SDCCAG8: variants seen among roughly 807,000 people sequenced by gnomAD.
SDCCAG8 encodes SHH signaling and ciliogenesis regulator SDCCAG8, also known as serologically defined colon cancer antigen 8.
Under a neutral mutation model 101.8 loss-of-function variants are expected in SDCCAG8, and 74 were observed. The observed-to-expected ratio is 0.73, with a 90% CI of 0.60 to 0.88. SDCCAG8 has a LOEUF of 0.88. Among genes scored for constraint, SDCCAG8 ranks in the 40% least tolerant of loss-of-function variants. The pLI is 0.00. For missense variants in SDCCAG8, 787 were observed against 822.6 expected, an observed-to-expected ratio of 0.96 and a Z score of 0.53; for synonymous variants, 281 against 292.9, an observed-to-expected ratio of 0.96 and a Z score of 0.41.
intron 16 of SDCCAG8, among the ~76,000 whole-genome samples, chr1:243,475,276 T>C (rs1168447758): frequency 1.3e-5 from 2 of 152,210 alleles, no homozygotes; most frequent in Non-Finnish European, 2.9e-5. Flanking sequence ...CTGGATGGTT[T>C]AGCATGTCTG....
chr1:243,321,521 G>A (rs1209433718), intron 9 of SDCCAG8, among the ~76,000 whole-genome samples: 1 of 152,158 alleles, frequency 6.6e-6, no homozygotes, highest in Non-Finnish European at 1.5e-5. Context: ...TTAGGATTAT[G>A]TCTTCCAGCT....
At chr1:243,300,225 G>T (rs1035920342) in intron 6 of SDCCAG8, among the ~76,000 whole-genome samples, 1 of 151,980 alleles carries the variant, frequency 6.6e-6, no homozygotes, top group Admixed American at 6.6e-5. Flanking sequence ...AAAATCTTTA[G>T]TACCAGTATT....
chr1:243,339,579 G>A (rs1558319037), intron 10 of SDCCAG8, among the ~76,000 whole-genome samples: 1 of 152,104 alleles, frequency 6.6e-6, no homozygotes. Flanking sequence ...TTTGATGATA[G>A]GGATGTGTAA....
chr1:243,488,983 C>G, intron 16 of SDCCAG8, 31 bp from the exon 17 acceptor site: 1 of 1,613,148 alleles, frequency 6.2e-7, no homozygotes, highest in African/African-American at 1.3e-5. Context: ...GACGTTATCC[C>G]TCTTTAATTC....
intron 16 of SDCCAG8, among the ~76,000 whole-genome samples, chr1:243,477,158 A>G (rs539125042): frequency 1.2e-4 from 18 of 152,300 alleles, no homozygotes; most frequent in Admixed American, 5.9e-4. Context: ...GTTTGACATT[A>G]TTTCCAAATA....
At position 243,336,369 on chromosome 1, in the gene SDCCAG8, G is replaced by A. The variant is rs558336750; in HGVS notation, c.1222-4670G>A. Among the ~76,000 whole-genome samples, 8 of 152,298 alleles carry A rather than the reference G, an allele frequency of 5.3e-5. No individual in the cohort carries two copies. In the East Asian group the frequency reaches 1.5e-3, roughly 29 times the overall value. On this transcript the variant is annotated intron_variant, in intron 10 of 17. Transcript: ENST00000366541. The stretch of plus-strand genomic sequence containing the variant: ...TGGTTTTGATTTGCATTTCTATGAT[G>A]ATTAGTGTTTTAGTCTGTTCTCGCA...
intron 12 of SDCCAG8, among the ~76,000 whole-genome samples, chr1:243,352,467 A>C (rs1345743125): frequency 6.6e-6 from 1 of 152,222 alleles, no homozygotes; most frequent in East Asian, 1.9e-4. Context: ...CCAACTGCCA[A>C]CTTGCAAAGT....
intron 1 of SDCCAG8, among the ~76,000 whole-genome samples, chr1:243,258,617 C>T (rs1434432883): frequency 2.0e-5 from 3 of 152,158 alleles, no homozygotes; most frequent in African/African-American, 7.2e-5. Flanking sequence ...GTTGGTCAGG[C>T]TGCTCTAGAA....
intron 12 of SDCCAG8, among the ~76,000 whole-genome samples, chr1:243,363,629 A>T (rs1422112370): frequency 2.6e-5 from 4 of 152,318 alleles, no homozygotes; most frequent in African/African-American, 9.6e-5. Context: ...CTTACTCTCC[A>T]TTTTAAAGTC....
At chr1:243,338,569 G>A (rs570026434) in intron 10 of SDCCAG8, among the ~76,000 whole-genome samples, 4 of 152,216 alleles carry the variant, frequency 2.6e-5, no homozygotes, top group Non-Finnish European at 4.4e-5. Flanking sequence ...GTTGCACTGA[G>A]CACTCAGCTT....
At chr1:243,370,571 G>A (rs2077231784) in intron 12 of SDCCAG8, among the ~76,000 whole-genome samples, 1 of 152,078 alleles carries the variant, frequency 6.6e-6, no homozygotes, top group East Asian at 1.9e-4. Flanking sequence ...TAGTCAAAAA[G>A]TCTGCCGTAT....
chr1:243,334,492 A>T (rs1053221104), intron 10 of SDCCAG8, among the ~76,000 whole-genome samples: 1 of 152,018 alleles, frequency 6.6e-6, no homozygotes, highest in Admixed American at 6.5e-5. Flanking sequence ...CCTCTCTTCC[A>T]TACTGTTTTT....
chr1:243,275,254 C>T (rs866039559), intron 4 of SDCCAG8, among the ~76,000 whole-genome samples: 11 of 152,002 alleles, frequency 7.2e-5, no homozygotes, highest in African/African-American at 2.4e-4. Context: ...CGAAGTATGT[C>T]GTGTTTTACT....
At chr1:243,344,899 A>G (rs934232797) in intron 12 of SDCCAG8, among the ~76,000 whole-genome samples, 4 of 152,196 alleles carry the variant, frequency 2.6e-5, no homozygotes, top group African/African-American at 4.8e-5. Flanking sequence ...TTATATCTTT[A>G]TTGAGATGAA....
intron 17 of SDCCAG8, 81 bp from the exon 18 acceptor site, chr1:243,499,675 G>T: frequency 8.9e-7 from 1 of 1,118,646 alleles, no homozygotes; most frequent in Non-Finnish European, 1.4e-6. Flanking sequence ...ATCATAAAAG[G>T]TGACTAAACC....
chr1:243,260,232 G>A (rs2149247607), intron 1 of SDCCAG8, among the ~76,000 whole-genome samples: 1 of 152,352 alleles, frequency 6.6e-6, no homozygotes, highest in South Asian at 2.1e-4. Context: ...AGTTTCCAGT[G>A]TGGTTAAAAG....
At position 243,394,330 on chromosome 1, in the gene SDCCAG8, A is replaced by G. The variant is rs557688445; in HGVS notation, c.1616+15467A>G. 3.3e-5 allele frequency among the ~76,000 whole-genome samples: 5 copies of G among 152,360 alleles called. No homozygotes were observed. In the South Asian group the frequency reaches 1.0e-3, roughly 32 times the overall value. ...GACTTATTTGATATAGCAGCACATT[A>G]GTAAATGATTGTGGCAGATTTAAAG... On this transcript the variant is annotated intron_variant, in intron 13 of 17. Coordinates refer to ENST00000366541, the MANE Select transcript of SDCCAG8 (RefSeq NM_006642.5).
At chr1:243,386,013 C>T (rs769418065) in intron 13 of SDCCAG8, among the ~76,000 whole-genome samples, 2 of 152,294 alleles carry the variant, frequency 1.3e-5, no homozygotes, top group Admixed American at 6.5e-5. Context: ...TTAGTATCTG[C>T]GTGGTACCAC....
At chr1:243,379,393 C>T (rs2077800125) in intron 13 of SDCCAG8, among the ~76,000 whole-genome samples, 1 of 152,156 alleles carries the variant, frequency 6.6e-6, no homozygotes, top group South Asian at 2.1e-4. Flanking sequence ...CAGGCTTACA[C>T]CATTGAGGTT....
Sources: allele counts gnomAD v4.1 joint callset (sites outside exome capture counted in the v4.1 genomes callset), GRCh38; gene constraint gnomAD v4.1.1; transcripts MANE v1.5; gene names NCBI Gene and HGNC (gene_info 2026-07-23, HGNC 2026-07-21).